The following ERBB4 variants were observed in gnomAD, a reference collection of about 807,000 sequenced individuals.
ERBB4 encodes the protein receptor tyrosine-protein kinase erbB-4.
In ERBB4, 42 loss-of-function variants were observed where a neutral mutation model predicts 158.0. The ratio of observed to expected loss-of-function variants is 0.27; its 90% confidence interval spans 0.21 to 0.34. The LOEUF (loss-of-function observed/expected upper bound fraction) is 0.34. Ranked by LOEUF, ERBB4 falls within the 10% of genes least tolerant of loss-of-function variation. ERBB4 has a pLI of 1.00. For synonymous variants in ERBB4, 583 were observed against 558.7 expected (o/e 1.04, Z -0.61); for missense variants, 1,333 against 1,624.1 (o/e 0.82, Z 3.08).
intron 2 of ERBB4, among the ~76,000 whole-genome samples, chr2:212,066,618 GT>G (rs2077956209): frequency 1.3e-5 from 2 of 151,954 alleles, no homozygotes. Flanking sequence ...CATCATAATT[GT>G]GGTTATTTTA....
chr2:211,757,585 A>T (rs890799506), intron 4 of ERBB4, among the ~76,000 whole-genome samples: 5 of 152,194 alleles, frequency 3.3e-5, no homozygotes, highest in African/African-American at 1.2e-4. Flanking sequence ...AGAAGTGTAA[A>T]ATGCACAGAA....
intron 4 of ERBB4, among the ~76,000 whole-genome samples, chr2:211,783,004 A>G (rs539719819): frequency 1.9e-4 from 25 of 129,722 alleles, no homozygotes; most frequent in Non-Finnish European, 3.6e-4. Flanking sequence ...CCTATCCATG[A>G]GCGTGGAATG....
intron 3 of ERBB4, among the ~76,000 whole-genome samples, chr2:211,830,989 T>G (rs1001020562): frequency 4.0e-5 from 6 of 151,776 alleles, no homozygotes; most frequent in Non-Finnish European, 8.8e-5. Context: ...TGGAACACAT[T>G]AAAATGTAGG....
intron 1 of ERBB4, among the ~76,000 whole-genome samples, chr2:212,224,181 G>A (rs114506138): frequency 0.022 from 3,408 of 151,794 alleles, 97 homozygotes; most frequent in African/African-American, 0.071. Flanking sequence ...CAAATAAAAA[G>A]CCAGTTCAAG....
chr2:211,663,387 A>C (rs2071504126), intron 15 of ERBB4, among the ~76,000 whole-genome samples: 1 of 152,178 alleles, frequency 6.6e-6, no homozygotes, highest in African/African-American at 2.4e-5. Flanking sequence ...GGAGTACAAT[A>C]TTCAAATTCT....
At chr2:211,827,550 G>A (rs1490458842) in intron 3 of ERBB4, among the ~76,000 whole-genome samples, 2 of 150,674 alleles carry the variant, frequency 1.3e-5, no homozygotes, top group Non-Finnish European at 3.0e-5. Context: ...AATTGATCTG[G>A]TAAGACAAAG....
At chr2:211,697,660 T>A (rs1282122280) in intron 12 of ERBB4, among the ~76,000 whole-genome samples, 1 of 152,202 alleles carries the variant, frequency 6.6e-6, no homozygotes, top group African/African-American at 2.4e-5. Flanking sequence ...GATAAATTAA[T>A]CATGTAAATA....
intron 25 of ERBB4, among the ~76,000 whole-genome samples, chr2:211,398,550 A>G (rs2062968595): frequency 6.6e-6 from 1 of 152,102 alleles, no homozygotes; most frequent in Admixed American, 6.6e-5. Flanking sequence ...CTGCTTTAAA[A>G]ATTGCAAGAC....
intron 2 of ERBB4, among the ~76,000 whole-genome samples, chr2:212,002,557 A>G (rs1219941706): frequency 6.6e-6 from 1 of 152,188 alleles, no homozygotes; most frequent in African/African-American, 2.4e-5. Context: ...AAACAGGTAA[A>G]AGGGCCACGT....
intron 1 of ERBB4, among the ~76,000 whole-genome samples, chr2:212,527,936 G>A (rs944577881): frequency 2.2e-5 from 3 of 139,414 alleles, no homozygotes; most frequent in Non-Finnish European, 3.0e-5. Flanking sequence ...TCCCATCTAT[G>A]AGTGAGAACA....
At chr2:211,476,209 A>T (rs1307517812) in intron 20 of ERBB4, among the ~76,000 whole-genome samples, 8 of 152,112 alleles carry the variant, frequency 5.3e-5, no homozygotes, top group African/African-American at 1.9e-4. Flanking sequence ...TGAGCTTTGG[A>T]CAGCTGAGAC....
intron 2 of ERBB4, among the ~76,000 whole-genome samples, chr2:211,957,706 G>A (rs1219109981): frequency 2.0e-5 from 3 of 152,018 alleles, no homozygotes; most frequent in Non-Finnish European, 4.4e-5. Flanking sequence ...TTGTTTTTCT[G>A]AATCCAGAAC....
rs1553627741 is a variant in ERBB4, at chr2:212,373,950, T to TATC, written c.82+164498_82+164499insGAT. 5.0e-3 allele frequency among the ~76,000 whole-genome samples: 323 copies of TATC among 64,002 alleles called. 5 individuals are homozygous for TATC. Among genetic ancestry groups the TATC allele is most frequent in the Non-Finnish European group, 6.9e-3 (220 of 31,682 alleles). 42.0% of individuals were successfully genotyped at this position (64,002 alleles called of 152,430 possible). Reference sequence around the variant, plus strand: ...ATATCCATATATATCCATATATATATCATATATATATCCATATATATCCAT... The same window carrying TATC: ...ATATCCATATATATCCATATATATATATCCATATATATATCCATATATATCCAT... On this transcript the variant is annotated intron_variant, in intron 1 of 27. Coordinates refer to ENST00000342788, the MANE Select transcript of ERBB4 (RefSeq NM_005235.3).
At chr2:212,179,409 A>G (rs2081783467) in intron 1 of ERBB4, among the ~76,000 whole-genome samples, 1 of 150,934 alleles carries the variant, frequency 6.6e-6, no homozygotes, top group African/African-American at 2.4e-5. Flanking sequence ...AGAATAGGCT[A>G]TAGTTCTTAG....
intron 16 of ERBB4, among the ~76,000 whole-genome samples, chr2:211,655,681 G>A (rs10190533): frequency 0.75 from 114,403 of 152,124 alleles, 43,676 homozygotes; most frequent in Middle Eastern, 0.82. Flanking sequence ...TGCTCTGCCA[G>A]GGTCTCAAGA....
intron 1 of ERBB4, among the ~76,000 whole-genome samples, chr2:212,338,150 A>C (rs1274100535): frequency 6.6e-6 from 1 of 152,108 alleles, no homozygotes; most frequent in Non-Finnish European, 1.5e-5. Context: ...TACTATTCTG[A>C]GATAGAAAAC....
intron 3 of ERBB4, among the ~76,000 whole-genome samples, chr2:211,897,527 A>G (rs537367558): frequency 1.8e-4 from 27 of 151,802 alleles, no homozygotes; most frequent in Admixed American, 7.9e-4. Flanking sequence ...GCAAAATTAG[A>G]TTCATATACC....
intron 25 of ERBB4, among the ~76,000 whole-genome samples, chr2:211,403,613 A>T (rs1367895901): frequency 2.6e-5 from 4 of 152,098 alleles, no homozygotes; most frequent in Non-Finnish European, 5.9e-5. Context: ...TAACTACCAT[A>T]TAGCTGCTTT....
intron 2 of ERBB4, among the ~76,000 whole-genome samples, chr2:212,099,402 T>C (rs1387070796): frequency 6.6e-6 from 1 of 152,116 alleles, no homozygotes; most frequent in African/African-American, 2.4e-5. Flanking sequence ...AAAGTATCTA[T>C]CAAGATTTTC....
Sources: allele counts gnomAD v4.1 joint callset (sites outside exome capture counted in the v4.1 genomes callset), GRCh38; gene constraint gnomAD v4.1.1; transcripts MANE v1.5; gene names NCBI Gene and HGNC (gene_info 2026-07-23, HGNC 2026-07-21).